Variants in CREB3L2 observed in about 807,000 individuals in gnomAD.
The protein encoded by CREB3L2 is cyclic AMP-responsive element-binding protein 3-like protein 2.
In CREB3L2, 23 loss-of-function variants were observed where a neutral mutation model predicts 57.2. The ratio of observed to expected loss-of-function variants is 0.40; its 90% CI spans 0.29 to 0.57. The LOEUF is 0.57. CREB3L2 is among the 20% of genes least tolerant of loss of function. The probability of loss-of-function intolerance (pLI) is 0.42; values close to 1 mark genes in which losing one functional copy is unlikely to be tolerated. For synonymous variants in CREB3L2, 268 were observed against 265.1 expected (o/e 1.01, Z -0.11); for missense variants, 628 against 634.7 (o/e 0.99, Z 0.11).
At chr7:137,907,697 CTTT>C (rs987431908) in intron 5 of CREB3L2, among the ~76,000 whole-genome samples, 5 of 152,112 alleles carry the variant, frequency 3.3e-5, no homozygotes, top group African/African-American at 1.2e-4. Context: ...ATCTATTCTT[CTTT>C]ATTATGGTGT....
intron 1 of CREB3L2, among the ~76,000 whole-genome samples, chr7:137,985,860 C>T (rs6467727): frequency 0.81 from 123,146 of 152,178 alleles, 49,958 homozygotes; most frequent in South Asian, 0.94. Flanking sequence ...CAGGTAAGAA[C>T]TGAAGAAATA....
chr7:137,886,741 A>G (rs1799428280), intron 8 of CREB3L2, among the ~76,000 whole-genome samples: 1 of 148,050 alleles, frequency 6.8e-6, no homozygotes, highest in African/African-American at 2.7e-5. Flanking sequence ...AAAAAAGGAG[A>G]CGTTTTATCC....
intron 1 of CREB3L2, among the ~76,000 whole-genome samples, chr7:137,952,928 C>G (rs755647295): frequency 8.5e-5 from 13 of 152,208 alleles, no homozygotes; most frequent in Non-Finnish European, 1.9e-4. Context: ...AGCGATTCTC[C>G]TGCCTCAGCC....
intron 1 of CREB3L2, among the ~76,000 whole-genome samples, chr7:137,933,425 T>G (rs10224250): frequency 0.14 from 21,112 of 152,210 alleles, 1,866 homozygotes; most frequent in Admixed American, 0.25. Context: ...ACACTCTGTT[T>G]TCTTTCTTCT....
intron 1 of CREB3L2, among the ~76,000 whole-genome samples, chr7:137,943,959 T>C (rs940584906): frequency 6.6e-6 from 1 of 152,250 alleles, no homozygotes; most frequent in African/African-American, 2.4e-5. Flanking sequence ...GTTTTCAGCA[T>C]TCATGCAAAA....
chr7:137,986,068 A>T (rs1459391378), intron 1 of CREB3L2, among the ~76,000 whole-genome samples: 1 of 152,234 alleles, frequency 6.6e-6, no homozygotes, highest in Admixed American at 6.5e-5. Context: ...AGACATAGTG[A>T]CACTTTACTT....
In CREB3L2 at chr7:137,877,807, C is replaced by T. The variant is rs1799191917; in HGVS notation, c.*2669G>A. The T allele has an allele frequency of 2.2e-5, 5 of 228,592 alleles. No homozygotes were observed. The East Asian group carries it at 3.2e-4, about 14-fold the overall frequency. The allele number at this position is 228,592 out of a possible 1,614,324, so 14.2% of individuals were successfully genotyped here. A position where few individuals can be genotyped will look rare whatever the true frequency, so the allele number is the denominator to read the frequency against. ...AGGCCACTTGGTGGGGAAAACAAAT[C>T]CACTGATATTCTGGTCTTAATCCCT... On this transcript the variant is annotated 3_prime_UTR_variant, in exon 12 of 12. Transcript: ENST00000330387.
intron 8 of CREB3L2, among the ~76,000 whole-genome samples, chr7:137,886,476 G>C (rs1799423073): frequency 6.6e-6 from 1 of 152,172 alleles, no homozygotes; most frequent in African/African-American, 2.4e-5. Context: ...TTAGAAGAGA[G>C]AGAGAGAAAG....
intron 5 of CREB3L2, among the ~76,000 whole-genome samples, chr7:137,906,740 C>T (rs913455271): frequency 1.6e-4 from 24 of 152,168 alleles, no homozygotes; most frequent in African/African-American, 5.3e-4. Flanking sequence ...TCCCATGCTG[C>T]TTTTGTGAGA....
rs964119353 is a variant in CREB3L2, at chr7:137,931,769, T to C, written c.103-3403A>G. Among the ~76,000 whole-genome samples the C allele has an allele frequency of 1.4e-4, 21 of 151,322 alleles. No homozygotes were observed. In the South Asian group the frequency reaches 3.8e-3, roughly 27 times the overall value. ...ATCACTTGAACCTAGAAGGCAGAGG[T>C]TGCAGTGAGCCGAGATCACACTACT... On this transcript the variant is annotated intron_variant, in intron 1 of 11. Coordinates refer to ENST00000330387, the MANE Select transcript of CREB3L2 (RefSeq NM_194071.4).
chr7:137,940,332 T>G (rs535452868), intron 1 of CREB3L2, among the ~76,000 whole-genome samples: 1 of 152,304 alleles, frequency 6.6e-6, no homozygotes, highest in Admixed American at 6.5e-5. Context: ...TATTTACTAT[T>G]CCTACACTCT....
At chr7:137,915,560 A>G (rs1312532198) in intron 3 of CREB3L2, among the ~76,000 whole-genome samples, 3 of 152,062 alleles carry the variant, frequency 2.0e-5, no homozygotes, top group Admixed American at 6.6e-5. Flanking sequence ...TTTACCATAG[A>G]TATTTTCTGT....
At chr7:137,962,906 A>T (rs1366152387) in intron 1 of CREB3L2, among the ~76,000 whole-genome samples, 1 of 152,164 alleles carries the variant, frequency 6.6e-6, no homozygotes, top group Non-Finnish European at 1.5e-5. Flanking sequence ...CCCCCAGCAC[A>T]CACAAACCTC....
At chr7:137,973,389 CAG>C (rs1268772919) in intron 1 of CREB3L2, among the ~76,000 whole-genome samples, 1 of 152,130 alleles carries the variant, frequency 6.6e-6, no homozygotes, top group Non-Finnish European at 1.5e-5. Context: ...CCAAGGAACA[CAG>C]AGTTTCCCAG....
At chr7:137,986,119 C>G (rs1446608477) in intron 1 of CREB3L2, among the ~76,000 whole-genome samples, 1 of 152,198 alleles carries the variant, frequency 6.6e-6, no homozygotes, top group African/African-American at 2.4e-5. Flanking sequence ...GTGAAACAGT[C>G]TCAGAAAGGT....
chr7:137,934,367 G>A (rs1563258580), intron 1 of CREB3L2, among the ~76,000 whole-genome samples: 1 of 152,328 alleles, frequency 6.6e-6, no homozygotes, highest in East Asian at 1.9e-4. Flanking sequence ...GGATAATGAT[G>A]TTGTCAGGAT....
intron 1 of CREB3L2, among the ~76,000 whole-genome samples, chr7:137,933,006 A>C (rs1467113960): frequency 6.6e-6 from 1 of 152,092 alleles, no homozygotes. Flanking sequence ...CACAGACCAC[A>C]CTCTGGGCAG....
intron 1 of CREB3L2, among the ~76,000 whole-genome samples, chr7:137,972,415 G>A (rs912927579): frequency 6.6e-6 from 1 of 151,512 alleles, no homozygotes; most frequent in African/African-American, 2.4e-5. Context: ...TCCAGCCTGG[G>A]CGACAGAGCA....
chr7:137,908,292 G>A lies in CREB3L2; in HGVS notation c.728C>T (p.Pro243Leu). Reference protein sequence around the residue: ...HSPSRAAPRAPSALSSSPLLT... With the variant: ...HSPSRAAPRALSALSSSPLLT... ...GAGAGGGGAGCTGGAGAGGGCGGAG[G>A]GGGCCCGGGGTGCAGCTCTGGAGGG... Residue 243 changes from proline to leucine, a missense_variant, in exon 5 of 12, where the codon CCC becomes CTC. This residue lies in a region of CREB3L2 where 339 missense variants were observed against 355.4 expected (regional missense o/e 0.95). Transcript: ENST00000330387. 7.9e-7 allele frequency: 1 copy of A among 1,258,456 alleles called. No individual in the cohort carries two copies. The highest frequency in any genetic ancestry group is 3.8e-5 in the South Asian group (1 of 26,186). The allele number at this position is 1,258,456 out of a possible 1,614,324, so 78.0% of individuals were successfully genotyped here. A position where few individuals can be genotyped will look rare whatever the true frequency, so the allele number is the denominator to read the frequency against.
Sources: gnomAD v4.1 joint callset for allele counts (sites outside exome capture counted in the v4.1 genomes callset) on GRCh38, gnomAD v4.1.1 for gene constraint, gnomAD v4.1.1 regional missense constraint, MANE v1.5 for transcripts, NCBI Gene and HGNC (gene_info 2026-07-23, HGNC 2026-07-21) for gene names.